The following LRMDA variants were observed in gnomAD, a reference collection of about 807,000 sequenced individuals.
LRMDA encodes the protein leucine-rich melanocyte differentiation-associated protein.
Under a neutral mutation model 29.8 loss-of-function variants are expected in LRMDA, and 18 were observed. The ratio of observed to expected loss-of-function variants is 0.60; its 90% CI spans 0.42 to 0.90. The LOEUF (loss-of-function observed/expected upper bound fraction) is 0.90. Among genes scored for constraint, LRMDA ranks in the 40% least tolerant of loss-of-function variants. The pLI, the probability that LRMDA is intolerant of heterozygous loss-of-function variation, is 0.00. For synonymous variants in LRMDA, 125 were observed against 109.4 expected (o/e 1.14, Z -0.89); for missense variants, 273 against 273.9 (o/e 1.00, Z 0.02).
chr10:75,939,643 T>G (rs1302157876), intron 2 of LRMDA, among the ~76,000 whole-genome samples: 1 of 152,070 alleles, frequency 6.6e-6, no homozygotes, highest in African/African-American at 2.4e-5. Context: ...CATTCCACTT[T>G]GTTACTTCCT....
intron 2 of LRMDA, among the ~76,000 whole-genome samples, chr10:75,687,007 T>A (rs190537223): frequency 1.3e-5 from 2 of 152,330 alleles, no homozygotes; most frequent in African/African-American, 4.8e-5. Flanking sequence ...GAGAACTGAA[T>A]AAATGCTGTG....
At chr10:76,090,479 A>C (rs1849213082) in intron 5 of LRMDA, among the ~76,000 whole-genome samples, 2 of 152,336 alleles carry the variant, frequency 1.3e-5, no homozygotes, top group Non-Finnish European at 1.5e-5. Flanking sequence ...CCTCAAAAAA[A>C]TTAAAAGTAG....
chr10:75,538,466 A>G (rs1193282452), intron 2 of LRMDA, among the ~76,000 whole-genome samples: 1 of 152,212 alleles, frequency 6.6e-6, no homozygotes, highest in African/African-American at 2.4e-5. Flanking sequence ...CAAAAGATGT[A>G]AGTGGCAGTG....
At chr10:75,988,056 G>A (rs907953133) in intron 2 of LRMDA, among the ~76,000 whole-genome samples, 8 of 152,230 alleles carry the variant, frequency 5.3e-5, no homozygotes, top group East Asian at 1.9e-4. Context: ...CTAATGGAAT[G>A]ACCTCTGTGT....
chr10:76,098,781 A>G (rs1027452961), intron 5 of LRMDA, among the ~76,000 whole-genome samples: 1 of 152,152 alleles, frequency 6.6e-6, no homozygotes, highest in Non-Finnish European at 1.5e-5. Flanking sequence ...GAGTTTTATT[A>G]TTACTCCAAT....
intron 5 of LRMDA, among the ~76,000 whole-genome samples, chr10:76,153,754 G>A (rs1850489545): frequency 6.6e-6 from 1 of 152,200 alleles, no homozygotes; most frequent in African/African-American, 2.4e-5. Flanking sequence ...CATTAGGGGT[G>A]CAGTCCTGGG....
intron 6 of LRMDA, among the ~76,000 whole-genome samples, chr10:76,455,031 A>C (rs1420768373): frequency 6.6e-6 from 1 of 152,222 alleles, no homozygotes; most frequent in African/African-American, 2.4e-5. Context: ...CCAGAGTCGG[A>C]GAGGCCATTA....
intron 2 of LRMDA, among the ~76,000 whole-genome samples, chr10:75,856,011 T>C (rs1844819829): frequency 6.6e-6 from 1 of 152,228 alleles, no homozygotes; most frequent in African/African-American, 2.4e-5. Flanking sequence ...TGCCTCCAGC[T>C]TTGTTCTTTT....
At chr10:75,540,351 T>A (rs1390237354) in intron 2 of LRMDA, among the ~76,000 whole-genome samples, 1 of 152,198 alleles carries the variant, frequency 6.6e-6, no homozygotes, top group Non-Finnish European at 1.5e-5. Flanking sequence ...ACAACACCAA[T>A]GGTGGGCATG....
chr10:75,602,992 A>G (rs115143601), intron 2 of LRMDA, among the ~76,000 whole-genome samples: 1,907 of 152,246 alleles, frequency 0.013, 32 homozygotes, highest in African/African-American at 0.041. Context: ...ATGACCCTCA[A>G]TGTGAGAGAA....
rs541540830 is a variant in LRMDA at position 75,629,261 on chromosome 10, A to C, written c.131+190767A>C. On this transcript the variant is annotated intron_variant, in intron 2 of 6. Coordinates refer to ENST00000611255, the MANE Select transcript of LRMDA (RefSeq NM_001305581.2). ...ATCATCTTCATCTAGTTGGGAAGAAATGGTGGGCAAGTGAAGCTGGAAGTT... is the reference window on the plus strand; with the variant it reads ...ATCATCTTCATCTAGTTGGGAAGAACTGGTGGGCAAGTGAAGCTGGAAGTT... 2.0e-5 allele frequency among the ~76,000 whole-genome samples: 3 copies of C among 152,192 alleles called. No homozygotes were observed. In the South Asian group the frequency reaches 6.2e-4, roughly 32 times the overall value.
intron 6 of LRMDA, among the ~76,000 whole-genome samples, chr10:76,525,226 G>T (rs955011213): frequency 3.3e-5 from 5 of 152,114 alleles, no homozygotes; most frequent in African/African-American, 4.8e-5. Context: ...TGTTTCTAAT[G>T]GGCCTAAGTT....
intron 2 of LRMDA, among the ~76,000 whole-genome samples, chr10:75,581,635 G>T (rs1240721842): frequency 6.6e-6 from 1 of 152,100 alleles, no homozygotes; most frequent in East Asian, 1.9e-4. Context: ...CATGTCCTTT[G>T]CAGGGACATG....
At chr10:75,545,189 A>G (rs969972421) in intron 2 of LRMDA, among the ~76,000 whole-genome samples, 35 of 152,204 alleles carry the variant, frequency 2.3e-4, no homozygotes, top group Admixed American at 4.6e-4. Context: ...CTCCCACAAC[A>G]AATAATTATC....
chr10:75,920,278 C>T (rs1301123221), intron 2 of LRMDA, among the ~76,000 whole-genome samples: 1 of 152,188 alleles, frequency 6.6e-6, no homozygotes, highest in Non-Finnish European at 1.5e-5. Flanking sequence ...AGATTACCCC[C>T]AGGACTTTTC....
intron 6 of LRMDA, among the ~76,000 whole-genome samples, chr10:76,546,982 C>T (rs1843427570): frequency 6.6e-6 from 1 of 152,062 alleles, no homozygotes; most frequent in Admixed American, 6.6e-5. Context: ...TAGCTTCTGC[C>T]TCTCTTTTTT....
intron 5 of LRMDA, among the ~76,000 whole-genome samples, chr10:76,106,195 T>C (rs1172667004): frequency 1.3e-5 from 2 of 152,248 alleles, no homozygotes; most frequent in East Asian, 3.8e-4. Flanking sequence ...AAATAATTCT[T>C]CTGCTTTTAA....
At chr10:75,513,952 CAAG>C (rs1210564711) in intron 2 of LRMDA, among the ~76,000 whole-genome samples, 1 of 152,142 alleles carries the variant, frequency 6.6e-6, no homozygotes, top group Non-Finnish European at 1.5e-5. Flanking sequence ...CAATGGTAGG[CAAG>C]AAGACATCAG....
At chr10:76,230,404 A>G (rs1208001235) in intron 5 of LRMDA, among the ~76,000 whole-genome samples, 1 of 152,174 alleles carries the variant, frequency 6.6e-6, no homozygotes, top group African/African-American at 2.4e-5. Context: ...AGTTTCAAAA[A>G]AAAGTAGATA....
Sources: allele counts gnomAD v4.1 joint callset (sites outside exome capture counted in the v4.1 genomes callset), GRCh38; gene constraint gnomAD v4.1.1; transcripts MANE v1.5; gene names NCBI Gene and HGNC (gene_info 2026-07-23, HGNC 2026-07-21).